Variants in TRPV1 observed in about 807,000 individuals in gnomAD.
The protein encoded by TRPV1 is transient receptor potential cation channel subfamily V member 1, also known as OTRPC1.
A neutral mutation model predicts 82.3 loss-of-function variants in TRPV1; 82 were observed. The ratio of observed to expected loss-of-function variants is 1.00; its 90% CI spans 0.83 to 1.20. The LOEUF (loss-of-function observed/expected upper bound fraction) is 1.20, where lower values mean the gene tolerates loss of function less well. TRPV1 is among the 50% of genes most tolerant of loss of function. TRPV1 has a pLI of 0.00. For missense variants in TRPV1, 1,067 were observed against 1,096.8 expected (o/e 0.97, Z 0.38); for synonymous variants, 515 against 467.7 (o/e 1.10, Z -1.30).
intron 16 of TRPV1, among the ~76,000 whole-genome samples, chr17:3,570,227 G>A (rs770918937): frequency 2.0e-5 from 3 of 151,930 alleles, no homozygotes; most frequent in East Asian, 1.9e-4. Context: ...AAAATGAGCC[G>A]GGCGTGGTGG....
At chr17:3,595,628 A>G (rs1437120525) in intron 2 of TRPV1, 3 of 152,238 alleles carry the variant, frequency 2.0e-5, no homozygotes, top group Non-Finnish European at 2.9e-5. Flanking sequence ...GAATAAGAAT[A>G]GGGGCTGCTC....
intron 2 of TRPV1, among the ~76,000 whole-genome samples, chr17:3,607,648 T>C (rs1333868761): frequency 2.0e-5 from 3 of 151,654 alleles, no homozygotes; most frequent in Admixed American, 6.6e-5. Flanking sequence ...GCGATTCTCC[T>C]GCCTCAGCCT....
At position 3,566,643 on chromosome 17, in the gene TRPV1, C is replaced by A. The variant is rs1362039260; in HGVS notation, c.*172G>T. On this transcript the variant is annotated 3_prime_UTR_variant, in exon 17 of 17. Coordinates refer to ENST00000572705, the MANE Select transcript of TRPV1 (RefSeq NM_080704.4). ...GTGACGGTTGGATGTACATCACTCC[C>A]CATGCTTCCAAGAACGCTTCCCACA... 4.8e-5 allele frequency: 34 copies of A among 703,456 alleles called. No homozygotes were observed. The allele number at this position is 703,456 out of a possible 1,614,324, so 43.6% of individuals were successfully genotyped here. A position where few individuals can be genotyped will look rare whatever the true frequency, so the allele number is the denominator to read the frequency against.
In TRPV1 at chr17:3,580,888, G is replaced by A. The variant is rs556394658; in HGVS notation, c.1477-361C>T. Among the ~76,000 whole-genome samples, 12 of 152,122 alleles carry A rather than the reference G, an allele frequency of 7.9e-5. No individual in the cohort carries two copies. In the South Asian group the frequency reaches 1.0e-3, roughly 13 times the overall value. On this transcript the variant is annotated intron_variant, in intron 10 of 16. Transcript: ENST00000572705. ...AAAACAATTAGCTGCGCGTGGTGGC[G>A]GGCACCTGTAATCCCAGCTACTCAT...
chr17:3,566,885 T>C lies in TRPV1; in HGVS notation c.2450A>G (p.Gln817Arg), dbSNP rs201314791. 8 of 1,613,900 alleles carry C rather than the reference T, an allele frequency of 5.0e-6. No individual in the cohort carries two copies. The highest frequency in any genetic ancestry group is 8.5e-7 in the Non-Finnish European group (1 of 1,179,906). ...SAQPEEVYLRQFSGSLKPEDA... is the reference protein window; with the variant it reads ...SAQPEEVYLRRFSGSLKPEDA... ...CTCTGGCTTCAGAGACCCTGAAAAC[T>C]GTCGCAGATAAACTTCCTCGGGCTG... Residue 817 changes from glutamine to arginine, a missense_variant, in exon 17 of 17, where the codon CAG (glutamine) becomes CGG (arginine). Transcript: ENST00000572705.
At chr17:3,605,445 GGTT>G (rs2075290763) in intron 2 of TRPV1, among the ~76,000 whole-genome samples, 1 of 152,136 alleles carries the variant, frequency 6.6e-6, no homozygotes, top group Admixed American at 6.6e-5. Context: ...GGGAGGCTGA[GGTT>G]GTAGTAAGCT....
intron 13 of TRPV1, among the ~76,000 whole-genome samples, 191 bp from the exon 14 acceptor site, chr17:3,574,146 A>T (rs2074898690): frequency 1.3e-5 from 2 of 152,232 alleles, no homozygotes; most frequent in African/African-American, 4.8e-5. Context: ...TCTGCTAGAA[A>T]AATAAATAAA....
Position 3,595,391 on chromosome 17 carries a change from G to A in TRPV1, c.-33-3008C>T, listed in dbSNP as rs760401502. Among the ~76,000 whole-genome samples the A allele has an allele frequency of 2.7e-4, 41 of 152,098 alleles. 1 individual carries two copies. The highest frequency in any genetic ancestry group is 5.1e-4 in the Non-Finnish European group (35 of 68,024). ...TGCTCCACCACGATGCTGGAGGTCT[G>A]GGGCTCTTTCTCAGCAGTTCAACTC... is the stretch of plus-strand genomic sequence containing the variant. On this transcript the variant is annotated intron_variant, in intron 2 of 16. Coordinates refer to ENST00000572705, the MANE Select transcript of TRPV1 (RefSeq NM_080704.4).
At chr17:3,586,749 G>T (rs1159766330) in intron 8 of TRPV1, among the ~76,000 whole-genome samples, 5 of 152,130 alleles carry the variant, frequency 3.3e-5, no homozygotes, top group Non-Finnish European at 5.9e-5. Context: ...TCCAACCTGG[G>T]TGACAGAGCA....
chr17:3,571,764 C>A (rs2074857403), intron 15 of TRPV1, 125 bp from the exon 16 acceptor site: 1 of 721,470 alleles, frequency 1.4e-6, no homozygotes, highest in Non-Finnish European at 2.3e-6. Context: ...TCGGGGAGGG[C>A]AGAGAGGACT....
intron 7 of TRPV1, among the ~76,000 whole-genome samples, chr17:3,588,664 A>AG (rs1281330366): frequency 6.6e-6 from 1 of 152,012 alleles, no homozygotes; most frequent in Non-Finnish European, 1.5e-5. Flanking sequence ...CAAAAAAAAA[A>AG]TTAGCCGGGC....
At chr17:3,584,912 T>G (rs1224109394) in intron 9 of TRPV1, among the ~76,000 whole-genome samples, 1 of 152,204 alleles carries the variant, frequency 6.6e-6, no homozygotes, top group Non-Finnish European at 1.5e-5. Context: ...TTTGATGAAG[T>G]CTTGGCTCTT....
At chr17:3,600,952 G>C (rs1450185468) in intron 2 of TRPV1, among the ~76,000 whole-genome samples, 1 of 152,026 alleles carries the variant, frequency 6.6e-6, no homozygotes, top group Non-Finnish European at 1.5e-5. Context: ...GCTTCATCCA[G>C]AGTCCACCCA....
chr17:3,592,672 A>C, intron 2 of TRPV1: 1 of 361,320 alleles, frequency 2.8e-6, no homozygotes. Flanking sequence ...TCTGGGTTAG[A>C]CCCATCCCTC....
chr17:3,578,631 C>T (rs185522859), intron 11 of TRPV1: 2 of 152,314 alleles, frequency 1.3e-5, no homozygotes, highest in Admixed American at 6.5e-5. Context: ...GACCTTGCCT[C>T]TTGAGTTTGC....
At position 3,579,578 on chromosome 17, in the gene TRPV1, C is replaced by A. The variant is rs552258791; in HGVS notation, c.1547+879G>T. Among the ~76,000 whole-genome samples the A allele has an allele frequency of 3.3e-5, 5 of 152,288 alleles. No homozygotes were observed. In the South Asian group the frequency reaches 1.0e-3, roughly 32 times the overall value. On this transcript the variant is annotated intron_variant, in intron 11 of 16. Coordinates refer to ENST00000572705, the MANE Select transcript of TRPV1 (RefSeq NM_080704.4). ...GCAACCTCTGTCTCCCGGGTACAAA[C>A]AATTCTCCCACCTCAGCCTCCCGAG...
intron 16 of TRPV1, among the ~76,000 whole-genome samples, chr17:3,569,108 G>A (rs545921034): frequency 1.2e-4 from 19 of 152,230 alleles, no homozygotes; most frequent in African/African-American, 3.6e-4. Flanking sequence ...CACACACCGG[G>A]GCCTGTTGTG....
chr17:3,591,196 CGTT>C lies in TRPV1; in HGVS notation c.439_441del (p.Asn147del). 4.3e-6 allele frequency: 7 copies of C among 1,610,010 alleles called. No individual in the cohort carries two copies. Among genetic ancestry groups the C allele is most frequent in the South Asian group, 2.2e-5 (2 of 90,424 alleles). On this transcript the variant is annotated inframe_deletion, in exon 4 of 17. Coordinates refer to ENST00000572705, the MANE Select transcript of TRPV1 (RefSeq NM_080704.4). ...CCAGCGCTGGGGCCACCTTTGAACT[CGTT>C]GTCTGTGAGGTGCTTCTTGCTCTTC...
rs199992542 is a variant in TRPV1 at position 3,573,913 on chromosome 17, G to T, written c.1823C>A (p.Pro608Gln). 6.2e-7 allele frequency: 1 copy of T among 1,607,720 alleles called. No individual in the cohort carries two copies. The highest frequency in any genetic ancestry group is 1.7e-5 in the Admixed American group (1 of 58,070). ...CCACCTGTGCGACGTGGACTCAGAC[G>T]GCAGGGAGTCATTCTTCCCGTCTTC... ...LIEDGKNDSL[P>Q]SESTSHRWRG... The change falls in exon 14 of 17, where the codon CCG (proline) becomes CAG (glutamine). Residue 608 changes from proline (P) to glutamine (Q), a missense_variant. Transcript: ENST00000572705.
Sources: allele counts gnomAD v4.1 joint callset (sites outside exome capture counted in the v4.1 genomes callset), GRCh38; gene constraint gnomAD v4.1.1; transcripts MANE v1.5; gene names NCBI Gene and HGNC (gene_info 2026-07-23, HGNC 2026-07-21).